ITPRID1: variants seen among roughly 807,000 people sequenced by gnomAD.
ITPRID1 encodes ITPR interacting domain containing 1, also known as protein ITPRID1.
Under a neutral mutation model 95.4 loss-of-function variants are expected in ITPRID1, and 96 were observed. The ratio of observed to expected loss-of-function variants is 1.01; its 90% CI spans 0.85 to 1.19. The LOEUF is 1.19. ITPRID1 is among the 50% of genes most tolerant of loss of function. The probability of loss-of-function intolerance (pLI) is 0.00; values close to 1 mark genes in which losing one functional copy is unlikely to be tolerated. For missense variants in ITPRID1, 1,339 were observed against 1,252.9 expected (o/e 1.07, Z -1.04); for synonymous variants, 510 against 453.6 (o/e 1.12, Z -1.58).
At chr7:31,517,131 C>G (rs1015908716) in intron 1 of ITPRID1, among the ~76,000 whole-genome samples, 1 of 152,198 alleles carries the variant, frequency 6.6e-6, no homozygotes, top group African/African-American at 2.4e-5. Flanking sequence ...TAGCAGATTT[C>G]AGGTTTTGGT....
chr7:31,642,840 G>A lies in ITPRID1; in HGVS notation c.1470G>A (p.Ala490=). The part of the protein sequence containing the change: ...RASMSFSSQE[A]NALEQRASVS... ...GCATGTCTTTTTCAAGCCAAGAAGC[G>A]AATGCCTTGGAACAAAGGGCCTCAG... The change falls in exon 12 of 15, where the codon GCG becomes GCA. Residue 490 remains alanine (A), a synonymous_variant. Transcript: ENST00000615280. The A allele has an allele frequency of 1.9e-6, 3 of 1,614,002 alleles. No homozygotes were observed. The highest frequency in any genetic ancestry group is 2.5e-6 in the Non-Finnish European group (3 of 1,179,876).
At chr7:31,616,412 C>A (rs1317858503) in intron 10 of ITPRID1, among the ~76,000 whole-genome samples, 1 of 53,450 alleles carries the variant, frequency 1.9e-5, no homozygotes, top group Non-Finnish European at 3.6e-5. Context: ...ATCCCTACCA[C>A]CTGTCTTAGG....
At chr7:31,518,342 TAA>T in intron 1 of ITPRID1, 1 of 152,236 alleles carries the variant, frequency 6.6e-6, no homozygotes, top group South Asian at 2.1e-4. Context: ...CGTAAGGTAA[TAA>T]ATGTGTGTTG....
In ITPRID1 at chr7:31,655,820, G is replaced by T; in HGVS notation, c.*2991G>T. 3.0e-6 allele frequency: 3 copies of T among 985,492 alleles called. No homozygotes were observed. The highest frequency in any genetic ancestry group is 3.6e-6 in the Non-Finnish European group (3 of 829,986). The allele number at this position is 985,492 out of a possible 1,614,324, so 61.0% of individuals were successfully genotyped here. On this transcript the variant is annotated 3_prime_UTR_variant, in exon 15 of 15. Transcript: ENST00000615280. Reference sequence around the variant, plus strand: ...ACCTCCCCTTCTCCATGTAGACTCCGAGCTCTCCTGCAGTTTCTTCCTTGC... The same window carrying T: ...ACCTCCCCTTCTCCATGTAGACTCCTAGCTCTCCTGCAGTTTCTTCCTTGC...
At position 31,651,378 on chromosome 7, in the gene ITPRID1, C is replaced by A. The variant is rs913509997; in HGVS notation, c.2711+109C>A. 8.7e-6 allele frequency: 11 copies of A among 1,264,148 alleles called. No individual in the cohort carries two copies. The African/African-American group carries it at 1.2e-4, about 14-fold the overall frequency. 78.3% of individuals were successfully genotyped at this position (1,264,148 alleles called of 1,614,324 possible). A position where few individuals can be genotyped will look rare whatever the true frequency, so the allele number is the denominator to read the frequency against. On this transcript the variant is annotated intron_variant, in intron 13 of 14. Coordinates refer to ENST00000615280, the MANE Select transcript of ITPRID1 (RefSeq NM_001257967.3). ...ACCCTGGAGCAGAGCTAATGAGAAA[C>A]CGGCCAGCTTTTCCTTTGCTTTCTT...
chr7:31,573,113 C>A (rs1785048921), intron 7 of ITPRID1, among the ~76,000 whole-genome samples: 2 of 152,114 alleles, frequency 1.3e-5, no homozygotes, highest in South Asian at 4.1e-4. Flanking sequence ...ATTAAGATAT[C>A]CAAATGGAGC....
At chr7:31,616,924 G>C (rs1416657565) in intron 10 of ITPRID1, among the ~76,000 whole-genome samples, 1 of 152,044 alleles carries the variant, frequency 6.6e-6, no homozygotes, top group East Asian at 1.9e-4. Context: ...TGTGGGAATG[G>C]TATGGTTGTC....
intron 1 of ITPRID1, among the ~76,000 whole-genome samples, chr7:31,519,618 C>CCATATA: frequency 3.2e-5 from 1 of 31,696 alleles, no homozygotes; most frequent in South Asian, 1.8e-3. Context: ...CTCTCTCTCT[C>CCATATA]TCTATATATA....
In ITPRID1 at chr7:31,643,179, T is replaced by A; in HGVS notation, c.1809T>A (p.Asp603Glu). The A allele has an allele frequency of 6.2e-7, 1 of 1,613,922 alleles. No homozygotes were observed. Among genetic ancestry groups the A allele is most frequent in the Non-Finnish European group, 8.5e-7 (1 of 1,179,888 alleles). Reference sequence around the variant, plus strand: ...AGTCTCAAAGGTCACCTGGAAATGATCATACTCAAGACAAGTTCCTTCATG... The same window carrying A: ...AGTCTCAAAGGTCACCTGGAAATGAACATACTCAAGACAAGTTCCTTCATG... Reference protein sequence around the residue: ...HNESQRSPGNDHTQDKFLHVD... With the variant: ...HNESQRSPGNEHTQDKFLHVD... The change falls in exon 12 of 15, where the codon GAT (aspartate) becomes GAA (glutamate). Residue 603 changes from aspartate to glutamate, a missense_variant. Transcript: ENST00000615280.
rs191273217 is a variant in ITPRID1, at chr7:31,517,144, G to T, written c.-98+3024G>T. ...CCTAGCAGATTTCAGGTTTTGGTTC[G>T]GGTGGCCTGCTTTTATTCCCTTATG... is the stretch of plus-strand genomic sequence containing the variant. On this transcript the variant is annotated intron_variant, in intron 1 of 14. Transcript: ENST00000615280. 2.6e-3 allele frequency among the ~76,000 whole-genome samples: 399 copies of T among 152,256 alleles called. 1 individual carries two copies. Among genetic ancestry groups the T allele is most frequent in the African/African-American group, 8.9e-3 (371 of 41,548 alleles).
At chr7:31,594,079 C>T (rs1186624956) in intron 10 of ITPRID1, among the ~76,000 whole-genome samples, 2 of 152,092 alleles carry the variant, frequency 1.3e-5, no homozygotes. Context: ...ATTATGACAC[C>T]ATATTTTAAC....
intron 1 of ITPRID1, among the ~76,000 whole-genome samples, chr7:31,535,908 A>G (rs1206119328): frequency 6.6e-6 from 1 of 151,930 alleles, no homozygotes; most frequent in African/African-American, 2.4e-5. Context: ...AGATACTTTT[A>G]AGATTTTTCT....
chr7:31,597,211 A>G (rs1485750560), intron 10 of ITPRID1, among the ~76,000 whole-genome samples: 1 of 152,048 alleles, frequency 6.6e-6, no homozygotes. Flanking sequence ...AAAATCTCAG[A>G]AAAAATTCCA....
At position 31,549,486 on chromosome 7, in the gene ITPRID1, G is replaced by A; in HGVS notation, c.-37G>A. The A allele has an allele frequency of 6.6e-7, 1 of 1,523,462 alleles. No individual in the cohort carries two copies. The highest frequency in any genetic ancestry group is 2.5e-5 in the East Asian group (1 of 40,502). 94.4% of individuals were successfully genotyped at this position (1,523,462 alleles called of 1,614,324 possible). ...AAGAGAAGGAAAAAGAAAGAAAACT[G>A]ACCAATATGAGTGGTGATTGTTTTG... On this transcript the variant is annotated 5_prime_UTR_variant, in exon 2 of 15. Transcript: ENST00000615280.
intron 10 of ITPRID1, among the ~76,000 whole-genome samples, chr7:31,592,057 T>A (rs1785888712): frequency 6.6e-6 from 1 of 152,094 alleles, no homozygotes; most frequent in Non-Finnish European, 1.5e-5. Context: ...TAAATACACA[T>A]ATAATTTAGA....
At chr7:31,590,832 AC>A (rs1785834089) in intron 10 of ITPRID1, among the ~76,000 whole-genome samples, 1 of 152,226 alleles carries the variant, frequency 6.6e-6, no homozygotes, top group Admixed American at 6.5e-5. Flanking sequence ...CACATGCTTT[AC>A]TTCATTTAAT....
At chr7:31,607,668 A>G (rs1478217741) in intron 10 of ITPRID1, among the ~76,000 whole-genome samples, 1 of 151,998 alleles carries the variant, frequency 6.6e-6, no homozygotes, top group Admixed American at 6.6e-5. Flanking sequence ...CTCAGGGTCC[A>G]TTTCAATCAC....
chr7:31,646,573 C>G (rs1049920873), intron 12 of ITPRID1, among the ~76,000 whole-genome samples: 1 of 152,148 alleles, frequency 6.6e-6, no homozygotes, highest in African/African-American at 2.4e-5. Context: ...AGTGTGGACC[C>G]GAGCTCTTCT....
rs6951834 is a variant in ITPRID1, at chr7:31,612,816, C to T, written c.1229-29360C>T. Reference sequence around the variant, plus strand: ...CTCAGATCTTTCTTGGGCATGAACACAGCCCTGCACATGTGCATAGCCAGC... The same window carrying T: ...CTCAGATCTTTCTTGGGCATGAACATAGCCCTGCACATGTGCATAGCCAGC... On this transcript the variant is annotated intron_variant, in intron 10 of 14. Transcript: ENST00000615280. 2.6e-3 allele frequency among the ~76,000 whole-genome samples: 401 copies of T among 152,270 alleles called. 2 individuals carry two copies. Among genetic ancestry groups the T allele is most frequent in the African/African-American group, 9.3e-3 (385 of 41,560 alleles).
Sources: gnomAD v4.1 joint callset for allele counts (sites outside exome capture counted in the v4.1 genomes callset) on GRCh38, gnomAD v4.1.1 for gene constraint, MANE v1.5 for transcripts, NCBI Gene and HGNC (gene_info 2026-07-23, HGNC 2026-07-21) for gene names.